The following SFMBT2 variants were observed in gnomAD, a reference collection of about 807,000 sequenced individuals.
The protein encoded by SFMBT2 is Scm like with four mbt domains 2.
In SFMBT2, 38 loss-of-function variants were observed where a neutral mutation model predicts 110.1. The ratio of observed to expected loss-of-function variants is 0.35; its 90% CI spans 0.27 to 0.45. The LOEUF (loss-of-function observed/expected upper bound fraction) is 0.45, where lower values mean the gene tolerates loss of function less well. Ranked by LOEUF, SFMBT2 falls within the 20% of genes least tolerant of loss-of-function variation. The pLI is 1.00. For synonymous variants in SFMBT2, 425 were observed against 425.4 expected, an observed-to-expected ratio of 1.00 and a Z score of 0.01; for missense variants, 1,011 against 1,094.9, an observed-to-expected ratio of 0.92 and a Z score of 1.08.
intron 4 of SFMBT2, among the ~76,000 whole-genome samples, chr10:7,348,795 C>T (rs909992811): frequency 3.3e-5 from 5 of 152,194 alleles, no homozygotes; most frequent in East Asian, 1.9e-4. Flanking sequence ...CCAATACAAA[C>T]GCTGTTTGGC....
In SFMBT2 at chr10:7,367,551, T is replaced by C; in HGVS notation, c.436+98A>G. 2.0e-6 allele frequency: 3 copies of C among 1,514,188 alleles called. No homozygotes were observed. Among genetic ancestry groups the C allele is most frequent in the Admixed American group, 2.0e-5 (1 of 49,272 alleles). The allele number at this position is 1,514,188 out of a possible 1,614,324, so 93.8% of individuals were successfully genotyped here. On this transcript the variant is annotated intron_variant, in intron 4 of 20. Transcript: ENST00000397167. This position sits in a 1 kb window ranked among gnomAD's most constrained non-coding sequence, Gnocchi z 6.2. ...TGTGAGACCTTTGCACTAAGACCATTAGGGATTCTACGCAAGGTTCTCTCT... is the reference window on the plus strand; with the variant it reads ...TGTGAGACCTTTGCACTAAGACCATCAGGGATTCTACGCAAGGTTCTCTCT...
chr10:7,353,641 T>C (rs911826325), intron 4 of SFMBT2, among the ~76,000 whole-genome samples: 2 of 152,210 alleles, frequency 1.3e-5, no homozygotes, highest in African/African-American at 4.8e-5. Flanking sequence ...CATTTTCAAT[T>C]TGGCGTTGAG....
At chr10:7,180,493 C>T (rs1167352088) in intron 16 of SFMBT2, among the ~76,000 whole-genome samples, 1 of 152,066 alleles carries the variant, frequency 6.6e-6, no homozygotes, top group East Asian at 1.9e-4. Context: ...AGAAGGGCCC[C>T]ATCCAGGGAC....
chr10:7,360,494 T>C (rs1176342801), intron 4 of SFMBT2, among the ~76,000 whole-genome samples: 3 of 151,946 alleles, frequency 2.0e-5, no homozygotes, highest in Admixed American at 1.3e-4. Flanking sequence ...AAAGAGAGTG[T>C]GTGGCATATT....
chr10:7,175,657 C>T (rs1222855283), intron 17 of SFMBT2, among the ~76,000 whole-genome samples: 1 of 152,176 alleles, frequency 6.6e-6, no homozygotes, highest in African/African-American at 2.4e-5. Flanking sequence ...TTACTGTGAT[C>T]AATTTTACTG....
intron 4 of SFMBT2, among the ~76,000 whole-genome samples, chr10:7,295,535 G>A (rs987948475): frequency 6.6e-6 from 1 of 152,230 alleles, no homozygotes; most frequent in East Asian, 1.9e-4. Context: ...GATTAAGAGC[G>A]ACTGTTACCA....
intron 4 of SFMBT2, chr10:7,286,415 G>A (rs1179498045): frequency 1.0e-6 from 1 of 968,238 alleles, no homozygotes; most frequent in Non-Finnish European, 1.2e-6. Flanking sequence ...AATAACAAGA[G>A]GGGTGGACTG....
In SFMBT2 at chr10:7,171,005, C is replaced by G. The variant is rs1399052761; in HGVS notation, c.2467G>C (p.Glu823Gln). The change falls in exon 20 of 21, where the codon GAG becomes CAG. Residue 823 changes from glutamate (E) to glutamine (Q), a missense_variant. Glu to Gln is a conservative substitution (Grantham distance 29, BLOSUM62 2). This residue lies in a region of SFMBT2 where 979 missense variants were observed against 1,016.1 expected (regional missense o/e 0.96). Transcript: ENST00000397167. The surrounding 1 kb of genome is among the most constrained non-coding windows in gnomAD (Gnocchi z 4.9). Reference protein sequence around the residue: ...ERLVLESNPLEWTVTDVVRFI... With the variant: ...ERLVLESNPLQWTVTDVVRFI... ...CTCACCACGTCGGTGACCGTCCACT[C>G]CAACGGGTTGCTCTCCAGAACCAGT... 6.2e-7 allele frequency: 1 copy of G among 1,614,100 alleles called. No individual in the cohort carries two copies. The highest frequency in any genetic ancestry group is 1.3e-5 in the African/African-American group (1 of 74,934).
At chr10:7,358,465 A>T (rs1176280343) in intron 4 of SFMBT2, among the ~76,000 whole-genome samples, 1 of 149,166 alleles carries the variant, frequency 6.7e-6, no homozygotes, top group Admixed American at 6.7e-5. Flanking sequence ...CCTGGAATGG[A>T]GGCATTGCCC....
intron 4 of SFMBT2, among the ~76,000 whole-genome samples, chr10:7,364,986 C>T (rs540857488): frequency 3.9e-5 from 6 of 152,328 alleles, no homozygotes; most frequent in East Asian, 1.9e-4. Context: ...ATTAATCAAA[C>T]GTTACACCAC....
At chr10:7,197,812 CTGA>C (rs1838825854) in intron 14 of SFMBT2, 125 bp from the exon 15 acceptor site, 2 of 1,330,656 alleles carry the variant, frequency 1.5e-6, no homozygotes, top group African/African-American at 2.9e-5. Context: ...GAGGTCTTGG[CTGA>C]TGGGGAGTCA....
At chr10:7,359,893 ACCT>A (rs754163789) in intron 4 of SFMBT2, among the ~76,000 whole-genome samples, 1 of 152,038 alleles carries the variant, frequency 6.6e-6, no homozygotes, top group Non-Finnish European at 1.5e-5. Flanking sequence ...ATATTTACAG[ACCT>A]CCTGCTATTT....
At chr10:7,213,568 G>A (rs1484966486) in intron 11 of SFMBT2, among the ~76,000 whole-genome samples, 2 of 152,232 alleles carry the variant, frequency 1.3e-5, no homozygotes, top group South Asian at 2.1e-4. Context: ...CAGCCAGGAC[G>A]TTCACGGAGA....
At chr10:7,351,966 G>A (rs935684800) in intron 4 of SFMBT2, among the ~76,000 whole-genome samples, 1 of 152,024 alleles carries the variant, frequency 6.6e-6, no homozygotes. Context: ...GAGCAAGATT[G>A]TGTCAGTTTG....
chr10:7,411,459 G>A (rs1232346898), upstream of SFMBT2: 1 of 152,218 alleles, frequency 6.6e-6, no homozygotes, highest in Non-Finnish European at 1.5e-5. Context: ...CAATGGCTCA[G>A]TCGACCGTGT....
Position 7,178,123 on chromosome 10 carries a change from C to T in SFMBT2, c.1809-1958G>A, listed in dbSNP as rs547468954. Reference sequence around the variant, plus strand: ...CTGACTGAGACAAGGCTCATTCCTCCGGTGGTGGGGGGTGACAAGAATGGG... The same window carrying T: ...CTGACTGAGACAAGGCTCATTCCTCTGGTGGTGGGGGGTGACAAGAATGGG... On this transcript the variant is annotated intron_variant, in intron 16 of 20. Transcript: ENST00000397167. 3.9e-5 allele frequency among the ~76,000 whole-genome samples: 6 copies of T among 152,328 alleles called. No homozygotes were observed. In the East Asian group the frequency reaches 9.7e-4, roughly 25 times the overall value.
chr10:7,249,489 C>T (rs1019971230), intron 7 of SFMBT2: 2 of 981,870 alleles, frequency 2.0e-6, no homozygotes, highest in Non-Finnish European at 1.2e-6. Flanking sequence ...AATGTATTTG[C>T]AGTCTGTCCC....
At chr10:7,208,589 G>C (rs1464575419) in intron 11 of SFMBT2, among the ~76,000 whole-genome samples, 1 of 151,822 alleles carries the variant, frequency 6.6e-6, no homozygotes, top group Non-Finnish European at 1.5e-5. Context: ...GGGAGGCTGA[G>C]GCAGGAGACT....
intron 2 of SFMBT2, among the ~76,000 whole-genome samples, chr10:7,375,372 T>G (rs550839629): frequency 6.6e-6 from 1 of 152,290 alleles, no homozygotes; most frequent in South Asian, 2.1e-4. Context: ...GGCTGAATAT[T>G]AAAGCCTGTG....
Sources: allele counts gnomAD v4.1 joint callset (sites outside exome capture counted in the v4.1 genomes callset), GRCh38; gene constraint gnomAD v4.1.1; regional missense constraint gnomAD v4.1.1; non-coding constraint Gnocchi (gnomAD v3.1); transcripts MANE v1.5; gene names NCBI Gene and HGNC (gene_info 2026-07-23, HGNC 2026-07-21).